The following MAP3K13 variants were observed in gnomAD, a reference collection of about 807,000 sequenced individuals.
MAP3K13 encodes the protein leucine zipper-bearing kinase.
MAP3K13 carries 52 observed loss-of-function variants against 104.0 expected under a neutral mutation model. The observed-to-expected ratio is 0.50, with a 90% CI of 0.40 to 0.63. The LOEUF is 0.63. Ranked by LOEUF, MAP3K13 falls within the 20% of genes least tolerant of loss-of-function variation. MAP3K13 has a pLI of 0.00. For missense variants in MAP3K13, 914 were observed against 1,218.5 expected (o/e 0.75, Z 3.72); for synonymous variants, 394 against 442.2 (o/e 0.89, Z 1.37).
At chr3:185,304,508 T>A (rs1243765269) in intron 2 of MAP3K13, among the ~76,000 whole-genome samples, 1 of 152,250 alleles carries the variant, frequency 6.6e-6, no homozygotes, top group African/African-American at 2.4e-5. Context: ...GTTACAAATA[T>A]AAATACATAT....
chr3:185,444,103 G>C (rs560425243), intron 4 of MAP3K13, among the ~76,000 whole-genome samples: 183 of 152,326 alleles, frequency 1.2e-3, no homozygotes, highest in Non-Finnish European at 2.3e-3. Context: ...GGGAGGCCAA[G>C]GTGGGTGGAT....
rs897150987 is a variant in MAP3K13, at chr3:185,426,768, C to A, written c.-85-1729C>A. ...CCTTCCCCCTCTTCCTTCACTCACA[C>A]CTTCCTGACTTGCTTAATGAATGCC... On this transcript the variant is annotated intron_variant, in intron 1 of 13. Coordinates refer to ENST00000265026, the MANE Select transcript of MAP3K13 (RefSeq NM_004721.5). Among the ~76,000 whole-genome samples, 24 of 152,284 alleles carry A rather than the reference C, an allele frequency of 1.6e-4. 1 individual carries two copies. Among genetic ancestry groups the A allele is most frequent in the African/African-American group, 5.5e-4 (23 of 41,554 alleles).
chr3:185,295,058 C>T (rs1720870075), intron 2 of MAP3K13, among the ~76,000 whole-genome samples: 1 of 152,182 alleles, frequency 6.6e-6, no homozygotes, highest in Admixed American at 6.5e-5. Flanking sequence ...GTCCTCCAAT[C>T]TAAACTCTTA....
At chr3:185,307,467 C>T (rs944103239) in intron 2 of MAP3K13, among the ~76,000 whole-genome samples, 1 of 150,788 alleles carries the variant, frequency 6.6e-6, no homozygotes, top group South Asian at 2.1e-4. Context: ...ATCAAGTTTG[C>T]TGTTGAATCT....
chr3:185,469,749 C>A (rs1471468394), intron 10 of MAP3K13, among the ~76,000 whole-genome samples: 1 of 152,166 alleles, frequency 6.6e-6, no homozygotes, highest in Admixed American at 6.5e-5. Flanking sequence ...GGCTCTTAGG[C>A]CCCACCCCAG....
chr3:185,296,989 T>C (rs1720938236), intron 2 of MAP3K13, among the ~76,000 whole-genome samples: 1 of 152,226 alleles, frequency 6.6e-6, no homozygotes, highest in African/African-American at 2.4e-5. Context: ...AGTCATGTTA[T>C]AAATTTGACT....
chr3:185,379,293 T>A (rs11711727), intron 1 of MAP3K13, among the ~76,000 whole-genome samples: 12 of 151,852 alleles, frequency 7.9e-5, no homozygotes, highest in Non-Finnish European at 1.6e-4. Context: ...GACGCCGGAG[T>A]TTTGGGTCCA....
chr3:185,377,354 C>T (rs1160264464), intron 1 of MAP3K13, among the ~76,000 whole-genome samples: 1 of 151,854 alleles, frequency 6.6e-6, no homozygotes, highest in Non-Finnish European at 1.5e-5. Context: ...TGATCGGTCA[C>T]CAAGGAGGGA....
intron 1 of MAP3K13, among the ~76,000 whole-genome samples, chr3:185,378,761 G>A (rs1003742952): frequency 5.3e-5 from 8 of 152,154 alleles, no homozygotes; most frequent in South Asian, 2.1e-4. Flanking sequence ...AGGGACCGAC[G>A]TGTAAAAGAA....
intron 12 of MAP3K13, among the ~76,000 whole-genome samples, chr3:185,478,515 G>C (rs990052064): frequency 2.0e-5 from 3 of 151,958 alleles, no homozygotes; most frequent in Non-Finnish European, 4.4e-5. Flanking sequence ...ATATATCCAT[G>C]ATCTGCCCCC....
intron 1 of MAP3K13, chr3:185,283,094 G>C (rs1224329282): frequency 6.5e-6 from 1 of 152,706 alleles, no homozygotes; most frequent in Non-Finnish European, 1.5e-5. Flanking sequence ...TAGATCGCTC[G>C]GGGCCCTAAG....
chr3:185,361,556 A>C (rs1723627274), upstream of MAP3K13, among the ~76,000 whole-genome samples: 1 of 151,448 alleles, frequency 6.6e-6, no homozygotes, highest in Admixed American at 6.6e-5. Context: ...GCCCACCATC[A>C]CGCCCGGCTA....
Position 185,418,604 on chromosome 3 carries a change from C to T in MAP3K13, c.-85-9893C>T. On this transcript the variant is annotated intron_variant, in intron 1 of 13. Coordinates refer to ENST00000265026, the MANE Select transcript of MAP3K13 (RefSeq NM_004721.5). The surrounding 1 kb of genome is among the most constrained non-coding windows in gnomAD (Gnocchi z 4.5). ...CAAGACTCAGCACTGGTCTGATGAC[C>T]TGCTAATTCACTGGCAGCGTAGGGC... 1.9e-6 allele frequency: 3 copies of T among 1,612,306 alleles called. No homozygotes were observed. Among genetic ancestry groups the T allele is most frequent in the Non-Finnish European group, 2.5e-6 (3 of 1,179,650 alleles).
intron 1 of MAP3K13, among the ~76,000 whole-genome samples, chr3:185,415,130 G>A (rs1713672978): frequency 6.6e-6 from 1 of 152,008 alleles, no homozygotes; most frequent in African/African-American, 2.4e-5. Context: ...TTCCCAAGTG[G>A]CATATATTTT....
At position 185,482,357 on chromosome 3, in the gene MAP3K13, C is replaced by T. The variant is rs200825748; in HGVS notation, c.2802C>T (p.Asn934=). Residue 934 remains asparagine, a splice_region_variant and synonymous_variant, in exon 14 of 14, where the codon AAC becomes AAT. Transcript: ENST00000265026. This position sits in a 1 kb window ranked among gnomAD's most constrained non-coding sequence, Gnocchi z 4.5. ...AAGGTTTTGTCTTGCCTTTGCAGAA[C>T]CCCATGCAGTTTGAAGAATCGGACT... is the stretch of plus-strand genomic sequence containing the variant. ...KLCVEERGYE[N]PMQFEESDCD... is the part of the protein sequence containing the mutation. The T allele has an allele frequency of 6.2e-7, 1 of 1,611,722 alleles. No individual in the cohort carries two copies. The highest frequency in any genetic ancestry group is 1.7e-5 in the Admixed American group (1 of 60,008).
intron 1 of MAP3K13, among the ~76,000 whole-genome samples, chr3:185,415,574 TTTC>T (rs368327867): frequency 0.14 from 15,305 of 107,940 alleles, 891 homozygotes; most frequent in African/African-American, 0.18. Flanking sequence ...GAAGGGTTAA[TTTC>T]TTTTTTTTTT....
intron 2 of MAP3K13, among the ~76,000 whole-genome samples, chr3:185,431,369 C>T (rs1696989778): frequency 6.6e-6 from 1 of 152,210 alleles, no homozygotes; most frequent in Admixed American, 6.5e-5. Context: ...TAGTGCTCAA[C>T]ATTAATTTGT....
At chr3:185,347,508 G>T (rs1286245304) in intron 2 of MAP3K13, among the ~76,000 whole-genome samples, 1 of 151,970 alleles carries the variant, frequency 6.6e-6, no homozygotes, top group African/African-American at 2.4e-5. Flanking sequence ...CATTGATCTC[G>T]GTCTACTTGT....
chr3:185,432,971 G>A (rs187495591), intron 2 of MAP3K13, among the ~76,000 whole-genome samples: 175 of 152,270 alleles, frequency 1.1e-3, no homozygotes, highest in African/African-American at 4.1e-3. Flanking sequence ...TCTGGGATCA[G>A]GGAGCCAATC....
Sources: gnomAD v4.1 joint callset for allele counts (sites outside exome capture counted in the v4.1 genomes callset) on GRCh38, gnomAD v4.1.1 for gene constraint, Gnocchi (gnomAD v3.1) non-coding constraint, MANE v1.5 for transcripts, NCBI Gene and HGNC (gene_info 2026-07-23, HGNC 2026-07-21) for gene names.